PRH1: variants seen among roughly 807,000 people sequenced by gnomAD.
PRH1 encodes proline rich protein HaeIII subfamily 1, also known as salivary acidic proline-rich phosphoprotein 1/2.
PRH1 carries 7 observed loss-of-function variants against 7.9 expected under a neutral mutation model. The ratio of observed to expected loss-of-function variants is 0.89; its 90% CI spans 0.50 to 1.67. The LOEUF (loss-of-function observed/expected upper bound fraction) is 1.67, where lower values mean the gene tolerates loss of function less well. Ranked by LOEUF, PRH1 falls within the 40% of genes most tolerant of loss-of-function variation. The probability of loss-of-function intolerance (pLI) is 0.00; values close to 1 mark genes in which losing one functional copy is unlikely to be tolerated. For missense variants in PRH1, 109 were observed against 223.6 expected (o/e 0.49, Z 3.27); for synonymous variants, 45 against 80.8 (o/e 0.56, Z 2.38).
rs139636107 is a variant in PRH1 at position 11,076,079 on chromosome 12, A to AAT, written n.124-28893_124-28892dup. 1.0e-3 allele frequency among the ~76,000 whole-genome samples: 112 copies of AAT among 108,770 alleles called. 22 individuals carry two copies. The highest frequency in any genetic ancestry group is 3.7e-3 in the South Asian group (15 of 4,036). 71.4% of individuals were successfully genotyped at this position (108,770 alleles called of 152,430 possible). ...ATCTGATACATATATATGTGGATGT[A>AAT]ATATATATATATATATCAGATGAGG... is the stretch of plus-strand genomic sequence containing the variant. On this transcript the variant is annotated intron_variant and non_coding_transcript_variant, in intron 1 of 4. Coordinates refer to the PRH1 transcript ENST00000541977.
At chr12:11,014,627 C>A (rs10845289) in intron 1 of PRH1, among the ~76,000 whole-genome samples, 31,955 of 152,058 alleles carry the variant, frequency 0.21, 3,950 homozygotes, top group Non-Finnish European at 0.27. Context: ...AACCTGTTGT[C>A]AGGACTGAGC....
At chr12:10,921,460 A>C (rs1042096522) in intron 2 of PRH1, among the ~76,000 whole-genome samples, 1 of 152,160 alleles carries the variant, frequency 6.6e-6, no homozygotes, top group Non-Finnish European at 1.5e-5. Context: ...ATTATTTAGA[A>C]CTTTGATTAT....
chr12:11,100,122 A>T (rs2136280598), intron 1 of PRH1, among the ~76,000 whole-genome samples: 1 of 152,314 alleles, frequency 6.6e-6, no homozygotes, highest in East Asian at 1.9e-4. Flanking sequence ...CATTTCTCCT[A>T]ATCAAAAACT....
At position 11,089,736 on chromosome 12, in the gene PRH1, A is replaced by G. The variant is rs1944817046; in HGVS notation, n.124-42548T>C. ...GAAAATATCATAATACAAATATATA[A>G]TTCACAATAGAAAAAAAATTCAAAT... On this transcript the variant is annotated intron_variant and non_coding_transcript_variant, in intron 1 of 4. Transcript: ENST00000541977. Among the ~76,000 whole-genome samples, 3 of 108,024 alleles carry G rather than the reference A, an allele frequency of 2.8e-5. 1 individual carries two copies. The highest frequency in any genetic ancestry group is 9.0e-5 in the African/African-American group (3 of 33,264). The allele number at this position is 108,024 out of a possible 152,430, so 70.9% of individuals were successfully genotyped here.
At position 10,938,477 on chromosome 12, in the gene PRH1, G is replaced by C. The variant is rs1950329178; in HGVS notation, c.-59+35178C>G. The stretch of plus-strand genomic sequence containing the variant: ...CCAAACTGATATGAAAAAAGACAGA[G>C]AGAAAATGGCATAGAGTAGGAAGAA... On this transcript the variant is annotated intron_variant, in intron 2 of 3. Coordinates refer to the PRH1 transcript ENST00000539853. 5 of 1,614,020 alleles carry C rather than the reference G, an allele frequency of 3.1e-6. No homozygotes were observed. The East Asian group carries it at 8.9e-5, about 29-fold the overall frequency.
At chr12:11,133,761 C>A (rs76230102) in intron 1 of PRH1, 13 of 1,589,130 alleles carry the variant, frequency 8.2e-6, no homozygotes, top group Non-Finnish European at 1.1e-5. Context: ...TTCCAAGTCA[C>A]GTTTCCTTCA....
intron 1 of PRH1, among the ~76,000 whole-genome samples, chr12:11,012,238 T>A (rs1941100317): frequency 6.6e-6 from 1 of 152,140 alleles, no homozygotes; most frequent in Non-Finnish European, 1.5e-5. Flanking sequence ...TCTTCAATAT[T>A]GGATATTATT....
intron 1 of PRH1, among the ~76,000 whole-genome samples, chr12:11,020,251 C>T (rs1190105871): frequency 6.6e-6 from 1 of 152,190 alleles, no homozygotes; most frequent in African/African-American, 2.4e-5. Flanking sequence ...TCATTTTTGA[C>T]CAACTATTCT....
intron 1 of PRH1, among the ~76,000 whole-genome samples, chr12:10,994,558 T>C (rs1940114977): frequency 6.6e-6 from 1 of 152,178 alleles, no homozygotes; most frequent in Non-Finnish European, 1.5e-5. Context: ...TTCTCTTGAC[T>C]CAATTTCCAC....
chr12:11,168,284 GAAAGAAA>G (rs1565725752), intron 1 of PRH1, among the ~76,000 whole-genome samples: 28 of 29,608 alleles, frequency 9.5e-4, no homozygotes, highest in Admixed American at 2.3e-3. Context: ...AAGAAAGAAA[GAAAGAAA>G]GAAAGAAAGA....
At chr12:11,067,155 A>G (rs1413544136) in intron 1 of PRH1, among the ~76,000 whole-genome samples, 22 of 145,656 alleles carry the variant, frequency 1.5e-4, no homozygotes, top group East Asian at 1.9e-4. Context: ...ATGCTCAAAG[A>G]TCATGCTAAA....
chr12:11,032,383 T>C (rs1412887725), intron 1 of PRH1, among the ~76,000 whole-genome samples: 3 of 152,218 alleles, frequency 2.0e-5, no homozygotes. Context: ...ACTGCTTTTA[T>C]CAAAGGCATC....
chr12:10,882,445 C>A lies in PRH1; in HGVS notation c.354G>T (p.Gln118His). Residue 118 changes from glutamine (Q) to histidine (H), a missense_variant, in exon 3 of 4, where the codon CAG becomes CAT. By Grantham distance (24) the Gln-to-His change is conservative. Coordinates refer to ENST00000543626, the MANE Select transcript of PRH1 (RefSeq NM_001393989.1). ...CTTGAGGAGGAGGGGGATGGCCTCC[C>A]TGTTGGGGTGGTCCTTGTGGCTTTC... ...PQGKPQGPPQ[Q>H]GGHPPPPQGR... 1 of 1,593,564 alleles carries A rather than the reference C, an allele frequency of 6.3e-7. No homozygotes were observed. Among genetic ancestry groups the A allele is most frequent in the Non-Finnish European group, 8.5e-7 (1 of 1,170,714 alleles).
At chr12:11,017,130 T>C (rs1324529720) in intron 1 of PRH1, among the ~76,000 whole-genome samples, 1 of 152,284 alleles carries the variant, frequency 6.6e-6, no homozygotes, top group Non-Finnish European at 1.5e-5. Flanking sequence ...TTAGTGAATG[T>C]TTCTTATTTT....
At chr12:10,927,529 T>G (rs762748354) in intron 2 of PRH1, among the ~76,000 whole-genome samples, 1 of 152,200 alleles carries the variant, frequency 6.6e-6, no homozygotes, top group Non-Finnish European at 1.5e-5. Flanking sequence ...ACTTCAAATA[T>G]GTCTATATTT....
chr12:10,898,250 T>C (rs1423931584), intron 2 of PRH1, among the ~76,000 whole-genome samples: 1 of 152,114 alleles, frequency 6.6e-6, no homozygotes, highest in Non-Finnish European at 1.5e-5. Flanking sequence ...AGTCCAAAAT[T>C]TAGTGACATT....
chr12:10,999,859 A>G (rs1330277201), intron 1 of PRH1, among the ~76,000 whole-genome samples: 1 of 151,996 alleles, frequency 6.6e-6, no homozygotes, highest in South Asian at 2.1e-4. Flanking sequence ...ACTAGATATC[A>G]TGTTTCTGAA....
intron 1 of PRH1, chr12:11,030,509 G>T (rs12318612): frequency 1.2e-6 from 2 of 1,609,796 alleles, no homozygotes; most frequent in Non-Finnish European, 1.7e-6. Context: ...CAGGATGAAT[G>T]GGTGGATTGA....
intron 1 of PRH1, among the ~76,000 whole-genome samples, chr12:11,030,234 C>CACAT (rs1435735816): frequency 8.4e-6 from 1 of 118,616 alleles, no homozygotes; most frequent in African/African-American, 2.7e-5. Context: ...TAAACACACA[C>CACAT]ATATATATAT....
Sources: gnomAD v4.1 joint callset for allele counts (sites outside exome capture counted in the v4.1 genomes callset) on GRCh38, gnomAD v4.1.1 for gene constraint, MANE v1.5 for transcripts, NCBI Gene and HGNC (gene_info 2026-07-23, HGNC 2026-07-21) for gene names.